Variants in SFI1 observed in about 807,000 individuals in gnomAD.
SFI1 encodes the protein protein SFI1 homolog.
In SFI1, 195 loss-of-function variants were observed where a neutral mutation model predicts 207.5. That is an observed-to-expected ratio of 0.94 (90% CI 0.84 to 1.06). The LOEUF (loss-of-function observed/expected upper bound fraction) is 1.06, where lower values mean the gene tolerates loss of function less well. SFI1 is among the 50% of genes least tolerant of loss of function. The pLI, the probability that SFI1 is intolerant of heterozygous loss-of-function variation, is 0.00. For missense variants in SFI1, 1,634 were observed against 1,588.0 expected, an observed-to-expected ratio of 1.03 and a Z score of -0.49; for synonymous variants, 630 against 598.9, an observed-to-expected ratio of 1.05 and a Z score of -0.76.
At chr22:31,599,965 C>T (rs1454462360) in intron 15 of SFI1, among the ~76,000 whole-genome samples, 2 of 151,974 alleles carry the variant, frequency 1.3e-5, no homozygotes, top group African/African-American at 2.4e-5. Flanking sequence ...TCAAGACATC[C>T]TCCTGCCTCA....
intron 8 of SFI1, among the ~76,000 whole-genome samples, chr22:31,568,674 C>A (rs187676614): frequency 6.6e-6 from 1 of 151,430 alleles, no homozygotes; most frequent in Non-Finnish European, 1.5e-5. Context: ...GATTATAGGT[C>A]CGGGGCAGGA....
At position 31,598,716 on chromosome 22, in the gene SFI1, C is replaced by CTTTTTTTTTTTTTTTT. The variant is rs71184513; in HGVS notation, c.1545-3488_1545-3473dup. ...ACAGGCATAAGCCACTGCGCCTGGC[C>CTTTTTTTTTTTTTTTT]TTTTTTTTTTTTTTTTTTTTTTTGA... is the stretch of plus-strand genomic sequence containing the variant. On this transcript the variant is annotated intron_variant, in intron 15 of 32. Coordinates refer to ENST00000400288, the MANE Select transcript of SFI1 (RefSeq NM_001007467.3). Among the ~76,000 whole-genome samples, 50 of 26,886 alleles carry CTTTTTTTTTTTTTTTT rather than the reference C, an allele frequency of 1.9e-3. 16 individuals carry two copies. The highest frequency in any genetic ancestry group is 2.0e-3 in the Non-Finnish European group (29 of 14,618). The allele number at this position is 26,886 out of a possible 152,430, so 17.6% of individuals were successfully genotyped here.
chr22:31,510,505 C>T (rs2055337351), intron 2 of SFI1, among the ~76,000 whole-genome samples: 2 of 152,100 alleles, frequency 1.3e-5, no homozygotes, highest in Admixed American at 6.6e-5. Context: ...GTGATCTCAG[C>T]TCACTGCAAC....
At chr22:31,573,445 T>C (rs1296156700) in intron 9 of SFI1, among the ~76,000 whole-genome samples, 1 of 151,882 alleles carries the variant, frequency 6.6e-6, no homozygotes, top group Non-Finnish European at 1.5e-5. Flanking sequence ...TAGATTTTTT[T>C]TTTTTTTTTG....
chr22:31,548,209 C>G (rs905340000), intron 5 of SFI1, among the ~76,000 whole-genome samples: 4 of 149,622 alleles, frequency 2.7e-5, no homozygotes, highest in Non-Finnish European at 5.9e-5. Context: ...AACAGTGGAG[C>G]GAGACTCCAT....
intron 29 of SFI1, 175 bp from the exon 30 acceptor site, chr22:31,616,570 G>A (rs1044225965): frequency 1.1e-5 from 7 of 631,178 alleles, no homozygotes; most frequent in Non-Finnish European, 1.9e-5. Flanking sequence ...CCTGTGTGCA[G>A]GGGCAGGCTA....
chr22:31,525,695 A>G (rs552439199), intron 2 of SFI1, among the ~76,000 whole-genome samples: 11 of 151,976 alleles, frequency 7.2e-5, no homozygotes, highest in Non-Finnish European at 1.5e-4. Context: ...CCAGTGGGGC[A>G]ACAGAATGAG....
chr22:31,572,991 T>C (rs1253352300), intron 8 of SFI1, 67 bp from the exon 9 acceptor site: 2 of 1,530,674 alleles, frequency 1.3e-6, no homozygotes, highest in East Asian at 4.5e-5. Context: ...CTCTTTTCCC[T>C]CTCCACCTGT....
rs776904446 is a variant in SFI1 at position 31,615,111 on chromosome 22, G to A, written c.3132G>A (p.Arg1044=). The change falls in exon 29 of 33, where the codon CGG becomes CGA. Residue 1044 remains arginine (R), a synonymous_variant. Transcript: ENST00000400288. ...MAQPAAPSLT[R]PFLAEAPTAL... ...AGCCAGCAGCCCCCTCCCTGACGCGGCCCTTCCTGGCAGAGGCCCCGACAG... is the reference window on the plus strand; with the variant it reads ...AGCCAGCAGCCCCCTCCCTGACGCGACCCTTCCTGGCAGAGGCCCCGACAG... 1.2e-6 allele frequency: 2 copies of A among 1,606,448 alleles called. No homozygotes were observed. Among genetic ancestry groups the A allele is most frequent in the East Asian group, 4.5e-5 (2 of 44,796 alleles).
chr22:31,613,515 C>T lies in SFI1; in HGVS notation c.2727C>T (p.Ala909=). 6.3e-7 allele frequency: 1 copy of T among 1,591,802 alleles called. No individual in the cohort carries two copies. Among genetic ancestry groups the T allele is most frequent in the South Asian group, 1.1e-5 (1 of 89,622 alleles). ...AGGCCTCCCGGCAGCAGCTGCAGGC[C>T]CAGCAGCAGGTCCAGGTAGGCCCAG... ...SMKASRQQLQ[A]QQQVQAAHSL... Residue 909 remains alanine, a synonymous_variant, in exon 26 of 33, where the codon GCC becomes GCT. Coordinates refer to ENST00000400288, the MANE Select transcript of SFI1 (RefSeq NM_001007467.3).
chr22:31,616,547 T>TGTGTGC, intron 29 of SFI1, 198 bp from the exon 30 acceptor site: 1 of 510,934 alleles, frequency 2.0e-6, no homozygotes, highest in African/African-American at 2.0e-5. Context: ...GACTTTCCCC[T>TGTGTGC]ACAGTACCAG....
At chr22:31,609,705 G>A (rs979951090) in intron 22 of SFI1, among the ~76,000 whole-genome samples, 4 of 152,230 alleles carry the variant, frequency 2.6e-5, no homozygotes, top group Non-Finnish European at 5.9e-5. Flanking sequence ...ACTGCGCCAC[G>A]AATGTGCTGC....
At chr22:31,574,972 T>C (rs2145901663) in intron 9 of SFI1, among the ~76,000 whole-genome samples, 1 of 150,842 alleles carries the variant, frequency 6.6e-6, no homozygotes, top group East Asian at 2.0e-4. Flanking sequence ...GGCAGGAGAA[T>C]CGCTGGAACC....
At chr22:31,571,177 T>G (rs2062908173) in intron 8 of SFI1, among the ~76,000 whole-genome samples, 1 of 152,342 alleles carries the variant, frequency 6.6e-6, no homozygotes, top group Non-Finnish European at 1.5e-5. Context: ...ATCACTGGTT[T>G]ATTCCTTTCA....
At chr22:31,593,298 C>T (rs1348342394) in intron 15 of SFI1, among the ~76,000 whole-genome samples, 14 of 139,198 alleles carry the variant, frequency 1.0e-4, no homozygotes, top group Admixed American at 7.6e-4. Flanking sequence ...CGGGCAGAGA[C>T]GCTCCTCACC....
At chr22:31,580,860 C>A (rs933651361) in intron 12 of SFI1, among the ~76,000 whole-genome samples, 7 of 151,808 alleles carry the variant, frequency 4.6e-5, no homozygotes, top group African/African-American at 1.7e-4. Context: ...TTTGCATTTT[C>A]TTTGGTAATC....
At chr22:31,580,481 G>T in intron 12 of SFI1, 117 bp downstream of exon 12, 15 of 589,554 alleles carry the variant, frequency 2.5e-5, no homozygotes, top group Non-Finnish European at 3.2e-5. Flanking sequence ...TGTGCTTCAA[G>T]ATTTGTCCAG....
intron 15 of SFI1, among the ~76,000 whole-genome samples, chr22:31,594,855 A>AAAC: frequency 8.2e-5 from 1 of 12,262 alleles, no homozygotes; most frequent in Non-Finnish European, 2.4e-4. Flanking sequence ...ACTCTGTCTC[A>AAAC]AAAAAAAAAA....
intron 15 of SFI1, among the ~76,000 whole-genome samples, chr22:31,596,659 C>T (rs10775716): frequency 0.21 from 32,041 of 151,480 alleles, 3,712 homozygotes; most frequent in East Asian, 0.42. Context: ...GGCATGGTGG[C>T]GCACATCCCA....
Sources: gnomAD v4.1 joint callset for allele counts (sites outside exome capture counted in the v4.1 genomes callset) on GRCh38, gnomAD v4.1.1 for gene constraint, MANE v1.5 for transcripts, NCBI Gene and HGNC (gene_info 2026-07-23, HGNC 2026-07-21) for gene names.